The following SH3PXD2A variants were observed in gnomAD, a reference collection of about 807,000 sequenced individuals.
The protein encoded by SH3PXD2A is SH3 and PX domains 2A, also known as SH3 and PX domain-containing protein 2A.
In SH3PXD2A, 32 loss-of-function variants were observed where a neutral mutation model predicts 115.2. The observed-to-expected ratio is 0.28, with a 90% CI of 0.21 to 0.37. The LOEUF (loss-of-function observed/expected upper bound fraction) is 0.37, where lower values mean the gene tolerates loss of function less well. Among genes scored for constraint, SH3PXD2A ranks in the 10% least tolerant of loss-of-function variants. The pLI, the probability that SH3PXD2A is intolerant of heterozygous loss-of-function variation, is 1.00. For synonymous variants in SH3PXD2A, 610 were observed against 629.1 expected (o/e 0.97, Z 0.45); for missense variants, 1,328 against 1,498.7 (o/e 0.89, Z 1.88).
At chr10:103,641,250 C>T (rs762702821) in intron 8 of SH3PXD2A, among the ~76,000 whole-genome samples, 38 of 152,148 alleles carry the variant, frequency 2.5e-4, no homozygotes, top group Admixed American at 1.3e-4. Flanking sequence ...ATTTTAACAA[C>T]CATGACGCCA....
chr10:103,740,167 A>C (rs1460856531), intron 3 of SH3PXD2A, among the ~76,000 whole-genome samples: 1 of 152,208 alleles, frequency 6.6e-6, no homozygotes, highest in Non-Finnish European at 1.5e-5. Flanking sequence ...TCCTCGCAAC[A>C]ACCTTGAAGC....
At chr10:103,825,036 A>G (rs527376346) in intron 1 of SH3PXD2A, among the ~76,000 whole-genome samples, 1 of 152,342 alleles carries the variant, frequency 6.6e-6, no homozygotes, top group African/African-American at 2.4e-5. Flanking sequence ...TCCTGGGCTC[A>G]AGTAATCCAC....
chr10:103,624,309 A>G (rs766681303), intron 9 of SH3PXD2A, among the ~76,000 whole-genome samples: 1 of 152,228 alleles, frequency 6.6e-6, no homozygotes, highest in South Asian at 2.1e-4. Flanking sequence ...GCATGTCCCA[A>G]TATGCGCCCA....
chr10:103,809,715 C>T (rs1195258306), intron 1 of SH3PXD2A, among the ~76,000 whole-genome samples: 2 of 131,620 alleles, frequency 1.5e-5, no homozygotes, highest in Non-Finnish European at 3.1e-5. Context: ...GAGAGAGTCT[C>T]GCTCTGTCAT....
intron 1 of SH3PXD2A, among the ~76,000 whole-genome samples, chr10:103,832,362 C>T (rs747418572): frequency 1.6e-5 from 2 of 128,026 alleles, no homozygotes; most frequent in Non-Finnish European, 3.4e-5. Flanking sequence ...AGAAGTAGAA[C>T]CTAAAAAGAA....
chr10:103,664,753 G>A (rs1245147719), intron 7 of SH3PXD2A, among the ~76,000 whole-genome samples: 3 of 148,802 alleles, frequency 2.0e-5, no homozygotes, highest in Admixed American at 6.8e-5. Context: ...TGCAACCTCC[G>A]CCCCCCAGGT....
intron 6 of SH3PXD2A, among the ~76,000 whole-genome samples, chr10:103,690,038 G>GCCCT (rs1465940250): frequency 6.6e-6 from 1 of 152,154 alleles, no homozygotes; most frequent in East Asian, 1.9e-4. Context: ...GCAGAACAGA[G>GCCCT]CCCTAAACAT....
At chr10:103,662,568 T>G (rs1291544918) in intron 7 of SH3PXD2A, among the ~76,000 whole-genome samples, 2 of 144,662 alleles carry the variant, frequency 1.4e-5, no homozygotes, top group Non-Finnish European at 3.0e-5. Flanking sequence ...CCCGGCTAAT[T>G]TTTTGTATTT....
intron 6 of SH3PXD2A, among the ~76,000 whole-genome samples, chr10:103,682,809 C>T (rs2037628560): frequency 1.3e-5 from 2 of 151,460 alleles, no homozygotes; most frequent in Admixed American, 6.6e-5. Flanking sequence ...GTGCCAGAAG[C>T]TGACGCCTTC....
intron 5 of SH3PXD2A, among the ~76,000 whole-genome samples, chr10:103,719,052 C>T (rs934600297): frequency 6.6e-6 from 1 of 152,196 alleles, no homozygotes; most frequent in Non-Finnish European, 1.5e-5. Flanking sequence ...GACACTGAAT[C>T]TGCTGGTGCC....
intron 2 of SH3PXD2A, among the ~76,000 whole-genome samples, chr10:103,779,085 T>G (rs1170239363): frequency 6.6e-6 from 1 of 152,180 alleles, no homozygotes; most frequent in Non-Finnish European, 1.5e-5. Flanking sequence ...GTTTTTGTTT[T>G]TGAGATGGAG....
chr10:103,605,418 C>T (rs578132583), intron 14 of SH3PXD2A, among the ~76,000 whole-genome samples: 1 of 152,318 alleles, frequency 6.6e-6, no homozygotes, highest in South Asian at 2.1e-4. Flanking sequence ...CAGTGACATC[C>T]TTGTATCCTA....
At chr10:103,669,794 C>A (rs1446568507) in intron 6 of SH3PXD2A, among the ~76,000 whole-genome samples, 3 of 152,250 alleles carry the variant, frequency 2.0e-5, no homozygotes, top group African/African-American at 7.2e-5. Context: ...GCCCACCAGG[C>A]GCTTGCCAGG....
At chr10:103,797,798 CAA>C (rs1002154501) in intron 2 of SH3PXD2A, among the ~76,000 whole-genome samples, 33 of 152,028 alleles carry the variant, frequency 2.2e-4, no homozygotes, top group African/African-American at 7.7e-4. Flanking sequence ...ATGGAAAAAC[CAA>C]AGAGTGTGGG....
intron 8 of SH3PXD2A, among the ~76,000 whole-genome samples, chr10:103,640,974 G>A (rs915576031): frequency 3.9e-5 from 6 of 152,118 alleles, no homozygotes; most frequent in Middle Eastern, 3.2e-3. Flanking sequence ...CCAGCAGGAC[G>A]GAGTGGCTCC....
At chr10:103,613,941 G>A (rs1416314706) in intron 11 of SH3PXD2A, among the ~76,000 whole-genome samples, 1 of 152,110 alleles carries the variant, frequency 6.6e-6, no homozygotes, top group Non-Finnish European at 1.5e-5. Context: ...TTACTGTAGT[G>A]GAACAAAGAT....
intron 4 of SH3PXD2A, among the ~76,000 whole-genome samples, chr10:103,733,059 C>T (rs758801092): frequency 6.6e-6 from 1 of 151,988 alleles, no homozygotes; most frequent in Non-Finnish European, 1.5e-5. Flanking sequence ...TCTGTACTGC[C>T]CCACCCCCGC....
intron 5 of SH3PXD2A, among the ~76,000 whole-genome samples, chr10:103,705,953 C>T (rs1002415860): frequency 6.0e-5 from 9 of 150,646 alleles, no homozygotes; most frequent in Middle Eastern, 3.4e-3. Context: ...GAGCCAAGAT[C>T]GTGCCACTGC....
chr10:103,807,616 C>G (rs2039220128), intron 1 of SH3PXD2A, among the ~76,000 whole-genome samples: 1 of 152,194 alleles, frequency 6.6e-6, no homozygotes, highest in Non-Finnish European at 1.5e-5. Context: ...ACTTTACATC[C>G]CAAACTGTGC....
Sources: gnomAD v4.1 joint callset for allele counts (sites outside exome capture counted in the v4.1 genomes callset) on GRCh38, gnomAD v4.1.1 for gene constraint, MANE v1.5 for transcripts, NCBI Gene and HGNC (gene_info 2026-07-23, HGNC 2026-07-21) for gene names.